Variants in HS6ST3 observed in about 807,000 individuals in gnomAD.
The protein encoded by HS6ST3 is heparan-sulfate 6-O-sulfotransferase 3.
Under a neutral mutation model 36.7 loss-of-function variants are expected in HS6ST3, and 12 were observed. The observed-to-expected ratio is 0.33, with a 90% CI of 0.21 to 0.53. The LOEUF is 0.53. Ranked by LOEUF, HS6ST3 falls within the 20% of genes least tolerant of loss-of-function variation. The probability of loss-of-function intolerance (pLI) is 0.95; values close to 1 mark genes in which losing one functional copy is unlikely to be tolerated. For missense variants in HS6ST3, 584 were observed against 640.9 expected (o/e 0.91, Z 0.96); for synonymous variants, 240 against 257.5 (o/e 0.93, Z 0.65).
intron 1 of HS6ST3, among the ~76,000 whole-genome samples, chr13:96,328,555 T>A (rs1245495479): frequency 7.9e-5 from 12 of 151,908 alleles, no homozygotes; most frequent in Admixed American, 5.9e-4. Context: ...TGGATGAGCT[T>A]TTTGATGTGC....
intron 1 of HS6ST3, among the ~76,000 whole-genome samples, chr13:96,540,700 A>G (rs2056174245): frequency 6.6e-6 from 1 of 152,176 alleles, no homozygotes; most frequent in Admixed American, 6.5e-5. Flanking sequence ...TCTGCAAACC[A>G]TTTTTATTCT....
In HS6ST3 at chr13:96,831,954, C is replaced by CAAAAAAAAAAAAAAAAAAAAAAAAA. The variant is rs35266831; in HGVS notation, c.708-534_708-510dup. Among the ~76,000 whole-genome samples the CAAAAAAAAAAAAAAAAAAAAAAAAA allele has an allele frequency of 2.3e-4, 5 of 21,856 alleles. 1 individual carries two copies. The highest frequency in any genetic ancestry group is 7.4e-4 in the African/African-American group (4 of 5,428). 14.3% of individuals were successfully genotyped at this position (21,856 alleles called of 152,430 possible). A position where few individuals can be genotyped will look rare whatever the true frequency, so the allele number is the denominator to read the frequency against. ...TGGGTGACAGAGCAAGACTCCCTCT[C>CAAAAAAAAAAAAAAAAAAAAAAAAA]AAAAAAAAAAAAAAAAAAAAAAAAA... On this transcript the variant is annotated intron_variant, in intron 1 of 1. Transcript: ENST00000376705.
At chr13:96,388,806 C>G (rs1291071291) in intron 1 of HS6ST3, among the ~76,000 whole-genome samples, 1 of 152,064 alleles carries the variant, frequency 6.6e-6, no homozygotes, top group Non-Finnish European at 1.5e-5. Context: ...CTGGCATTTC[C>G]CCTGCTGGCA....
At chr13:96,318,395 G>C (rs553227242) in intron 1 of HS6ST3, among the ~76,000 whole-genome samples, 60 of 152,256 alleles carry the variant, frequency 3.9e-4, no homozygotes, top group African/African-American at 1.1e-3. Flanking sequence ...AGCCAGGTAT[G>C]GTGGCAGCTG....
chr13:96,538,352 G>A (rs971466691), intron 1 of HS6ST3, among the ~76,000 whole-genome samples: 29 of 152,288 alleles, frequency 1.9e-4, no homozygotes, highest in African/African-American at 6.7e-4. Flanking sequence ...GAGATCTAAT[G>A]CATTATAAAT....
At chr13:96,806,687 T>A (rs1206457086) in intron 1 of HS6ST3, among the ~76,000 whole-genome samples, 1 of 152,176 alleles carries the variant, frequency 6.6e-6, no homozygotes, top group Non-Finnish European at 1.5e-5. Flanking sequence ...CACTGACTCT[T>A]CAGTATTTCT....
At chr13:96,117,117 G>T (rs1278883063) in intron 1 of HS6ST3, among the ~76,000 whole-genome samples, 1 of 152,170 alleles carries the variant, frequency 6.6e-6, no homozygotes, top group African/African-American at 2.4e-5. Flanking sequence ...TCTGGTATAA[G>T]TAATTTAATT....
At chr13:96,671,243 C>T (rs183899924) in intron 1 of HS6ST3, among the ~76,000 whole-genome samples, 1 of 152,170 alleles carries the variant, frequency 6.6e-6, no homozygotes, top group East Asian at 1.9e-4. Context: ...GATGCCTTTA[C>T]CCCACCCTCC....
intron 1 of HS6ST3, among the ~76,000 whole-genome samples, chr13:96,129,472 T>G (rs1344898337): frequency 6.6e-6 from 1 of 152,210 alleles, no homozygotes; most frequent in Non-Finnish European, 1.5e-5. Flanking sequence ...CTGGTTCTTG[T>G]GGTTCTGGTA....
intron 1 of HS6ST3, among the ~76,000 whole-genome samples, chr13:96,704,462 G>A (rs1266797853): frequency 6.6e-6 from 1 of 152,208 alleles, no homozygotes; most frequent in Non-Finnish European, 1.5e-5. Context: ...GAAGGTAATT[G>A]TAGATTAATA....
At chr13:96,515,775 A>C (rs969029611) in intron 1 of HS6ST3, among the ~76,000 whole-genome samples, 1 of 152,176 alleles carries the variant, frequency 6.6e-6, no homozygotes, top group Non-Finnish European at 1.5e-5. Context: ...AGGCCTCCCC[A>C]GCCATGCAGA....
intron 1 of HS6ST3, among the ~76,000 whole-genome samples, chr13:96,268,075 G>T (rs1259701928): frequency 6.6e-6 from 1 of 151,790 alleles, no homozygotes; most frequent in African/African-American, 2.4e-5. Context: ...AGTCCTGTTG[G>T]GTGAGGGCTC....
intron 1 of HS6ST3, among the ~76,000 whole-genome samples, chr13:96,745,434 A>G (rs894652477): frequency 6.6e-6 from 1 of 152,090 alleles, no homozygotes; most frequent in Non-Finnish European, 1.5e-5. Context: ...GACCTCTCTC[A>G]TCTGGTGTAG....
intron 1 of HS6ST3, among the ~76,000 whole-genome samples, chr13:96,143,932 A>C (rs1418078838): frequency 6.6e-6 from 1 of 152,200 alleles, no homozygotes; most frequent in East Asian, 1.9e-4. Flanking sequence ...AAAAGCTGTT[A>C]GTTAAAATCA....
chr13:96,111,876 T>C (rs1322933781), intron 1 of HS6ST3, among the ~76,000 whole-genome samples: 3 of 152,162 alleles, frequency 2.0e-5, no homozygotes, highest in Non-Finnish European at 4.4e-5. Context: ...GACAAATGTT[T>C]TCTGAATGGA....
chr13:96,581,224 T>TG (rs909902502), intron 1 of HS6ST3, among the ~76,000 whole-genome samples: 9 of 148,724 alleles, frequency 6.1e-5, no homozygotes, highest in Non-Finnish European at 6.0e-5. Flanking sequence ...CAACTACTAT[T>TG]TTTTTTTTTT....
chr13:96,207,149 A>G (rs557775077), intron 1 of HS6ST3, among the ~76,000 whole-genome samples: 1 of 152,312 alleles, frequency 6.6e-6, no homozygotes, highest in Non-Finnish European at 1.5e-5. Flanking sequence ...GACAAAGGAC[A>G]TAAATGGACA....
intron 1 of HS6ST3, among the ~76,000 whole-genome samples, chr13:96,606,637 G>GGGAA (rs2138985713): frequency 7.0e-6 from 1 of 143,078 alleles, no homozygotes; most frequent in Non-Finnish European, 1.5e-5. Context: ...GAGGGAGGGA[G>GGGAA]GGCTGAGGGA....
At chr13:96,252,619 A>G (rs2038832843) in intron 1 of HS6ST3, among the ~76,000 whole-genome samples, 1 of 152,110 alleles carries the variant, frequency 6.6e-6, no homozygotes. Context: ...TTTTGTTGAG[A>G]TCCGTGTGCT....
Sources: gnomAD v4.1 joint callset for allele counts (sites outside exome capture counted in the v4.1 genomes callset) on GRCh38, gnomAD v4.1.1 for gene constraint, MANE v1.5 for transcripts, NCBI Gene and HGNC (gene_info 2026-07-23, HGNC 2026-07-21) for gene names.